The following MPPED2 variants were observed in gnomAD, a reference collection of about 807,000 sequenced individuals.
MPPED2 encodes metallophosphoesterase MPPED2.
Under a neutral mutation model 33.0 loss-of-function variants are expected in MPPED2, and 5 were observed. The ratio of observed to expected loss-of-function variants is 0.15; its 90% CI spans 0.08 to 0.32. The LOEUF is 0.32. MPPED2 is among the 10% of genes least tolerant of loss of function. The pLI is 1.00. For missense variants in MPPED2, 275 were observed against 372.1 expected (o/e 0.74, Z 2.15); for synonymous variants, 136 against 141.9 (o/e 0.96, Z 0.29).
rs1320976865 is a variant in MPPED2, at chr11:30,580,379, C to T, written c.-6G>A. ...GAAGGAATCCCATGTGCCATCCTTC[C>T]TCCCTATAGGCATGAGCAATTCACA... On this transcript the variant is annotated 5_prime_UTR_variant, in exon 2 of 7. Transcript: ENST00000358117. 1.9e-6 allele frequency: 3 copies of T among 1,613,852 alleles called. No homozygotes were observed. The highest frequency in any genetic ancestry group is 2.7e-5 in the African/African-American group (2 of 74,876).
At chr11:30,539,573 A>G (rs1431006535) in intron 2 of MPPED2, among the ~76,000 whole-genome samples, 1 of 152,072 alleles carries the variant, frequency 6.6e-6, no homozygotes, top group Non-Finnish European at 1.5e-5. Flanking sequence ...CCTTCCCTCT[A>G]GACGACATAA....
rs138173079 is a variant in MPPED2 at position 30,543,114 on chromosome 11, C to T, written c.129-6939G>A. Among the ~76,000 whole-genome samples, 509 of 152,238 alleles carry T rather than the reference C, an allele frequency of 3.3e-3. 3 individuals are homozygous for T. Among genetic ancestry groups the T allele is most frequent in the African/African-American group, 0.011 (474 of 41,550 alleles). On this transcript the variant is annotated intron_variant, in intron 2 of 6. Transcript: ENST00000358117. Reference sequence around the variant, plus strand: ...GTTTACCAAAAAAATAAAAATAAGTCTCCTAAATGAAAAAAATGCATATTA... The same window carrying T: ...GTTTACCAAAAAAATAAAAATAAGTTTCCTAAATGAAAAAAATGCATATTA...
intron 4 of MPPED2, among the ~76,000 whole-genome samples, chr11:30,434,968 C>G (rs1444020916): frequency 6.6e-6 from 1 of 152,128 alleles, no homozygotes; most frequent in Non-Finnish European, 1.5e-5. Context: ...GATTTGGTTG[C>G]CTTCAGAATC....
intron 2 of MPPED2, among the ~76,000 whole-genome samples, chr11:30,546,337 C>T (rs7940806): frequency 0.23 from 34,804 of 151,972 alleles, 4,298 homozygotes; most frequent in East Asian, 0.41. Flanking sequence ...ATCAAACACA[C>T]GAGCTTGTTT....
intron 4 of MPPED2, among the ~76,000 whole-genome samples, chr11:30,446,487 A>G (rs568683254): frequency 6.6e-6 from 1 of 152,264 alleles, no homozygotes; most frequent in East Asian, 1.9e-4. Context: ...AGGGAAAAAA[A>G]AAACAATACA....
intron 4 of MPPED2, among the ~76,000 whole-genome samples, chr11:30,461,179 G>T (rs184225534): frequency 6.6e-6 from 1 of 152,096 alleles, no homozygotes; most frequent in Admixed American, 6.5e-5. Context: ...TCGTATAGAC[G>T]GAAGGTAGAA....
chr11:30,504,741 C>T (rs1311664462), intron 3 of MPPED2: 3 of 1,282,064 alleles, frequency 2.3e-6, no homozygotes, highest in Non-Finnish European at 3.1e-6. Flanking sequence ...CTCACACTTG[C>T]TGATGGAGCC....
rs192070950 is a variant in MPPED2, at chr11:30,530,011, T to C, written c.310+5983A>G. The stretch of plus-strand genomic sequence containing the variant: ...ATAATTGAAAGGCCATAATTAAAAG[T>C]TCATGGCAATGATGCTGTGTTAAAA... On this transcript the variant is annotated intron_variant, in intron 3 of 6. Coordinates refer to ENST00000358117, the MANE Select transcript of MPPED2 (RefSeq NM_001584.3). 5.1e-4 allele frequency among the ~76,000 whole-genome samples: 77 copies of C among 152,330 alleles called. No homozygotes were observed. In the East Asian group the frequency reaches 0.014, roughly 27 times the overall value.
chr11:30,400,112 G>C (rs1466103285), intron 6 of MPPED2, among the ~76,000 whole-genome samples: 1 of 152,152 alleles, frequency 6.6e-6, no homozygotes, highest in Non-Finnish European at 1.5e-5. Context: ...ATAGGATCTT[G>C]CTCTGTCATC....
At chr11:30,435,320 T>A (rs547260598) in intron 4 of MPPED2, among the ~76,000 whole-genome samples, 1 of 152,320 alleles carries the variant, frequency 6.6e-6, no homozygotes, top group Admixed American at 6.5e-5. Context: ...TCAAATATCT[T>A]CTTCTTAAAG....
intron 3 of MPPED2, among the ~76,000 whole-genome samples, chr11:30,529,608 G>T (rs1221562740): frequency 1.3e-5 from 2 of 152,098 alleles, no homozygotes; most frequent in Non-Finnish European, 2.9e-5. Context: ...CTGTTCATAG[G>T]TAATTTTGTT....
At chr11:30,467,715 TG>T (rs1256876955) in intron 4 of MPPED2, among the ~76,000 whole-genome samples, 3 of 152,216 alleles carry the variant, frequency 2.0e-5, no homozygotes, top group Non-Finnish European at 4.4e-5. Context: ...ACAAATATAT[TG>T]ATGTGAAATT....
At chr11:30,502,931 T>C (rs1952635476) in intron 3 of MPPED2, among the ~76,000 whole-genome samples, 1 of 152,198 alleles carries the variant, frequency 6.6e-6, no homozygotes, top group Non-Finnish European at 1.5e-5. Context: ...AATGAATTCC[T>C]CTAGAAAATT....
chr11:30,537,376 C>T (rs1248515336), intron 2 of MPPED2, among the ~76,000 whole-genome samples: 1 of 152,098 alleles, frequency 6.6e-6, no homozygotes, highest in Non-Finnish European at 1.5e-5. Flanking sequence ...ATTTCATATC[C>T]CAGCCCCAAC....
chr11:30,470,356 T>A (rs917273178), intron 4 of MPPED2, among the ~76,000 whole-genome samples: 1 of 152,132 alleles, frequency 6.6e-6, no homozygotes, highest in East Asian at 1.9e-4. Context: ...GAATTTTTTT[T>A]AAATGTGTCC....
chr11:30,571,262 GA>G (rs1313385352), intron 2 of MPPED2, among the ~76,000 whole-genome samples: 1 of 149,440 alleles, frequency 6.7e-6, no homozygotes, highest in Non-Finnish European at 1.5e-5. Flanking sequence ...TGGTAAAGAA[GA>G]AAAAAATAAA....
rs1590179586 is a variant in MPPED2, at chr11:30,414,356, C to T, written c.653-15G>A. ...GTCTCGAAAACCTAAGGGCAAAATG[C>T]AATCAATACACTTAATTTTCTTTCT... On this transcript the variant is annotated splice_polypyrimidine_tract_variant and intron_variant, in intron 5 of 6. Transcript: ENST00000358117. The T allele has an allele frequency of 2.0e-6, 3 of 1,475,668 alleles. No individual in the cohort carries two copies. Among genetic ancestry groups the T allele is most frequent in the East Asian group, 4.5e-5 (2 of 44,286 alleles). 91.4% of individuals were successfully genotyped at this position (1,475,668 alleles called of 1,614,324 possible).
intron 1 of MPPED2, chr11:30,584,053 T>G (rs1453866139): frequency 6.6e-6 from 1 of 152,080 alleles, no homozygotes; most frequent in Admixed American, 6.5e-5. Flanking sequence ...CCGCCAGGGT[T>G]TTTTTGGGGG....
chr11:30,534,310 A>G (rs964409182), intron 3 of MPPED2, among the ~76,000 whole-genome samples: 8 of 152,220 alleles, frequency 5.3e-5, no homozygotes, highest in Non-Finnish European at 8.8e-5. Context: ...AGATTTACCA[A>G]CAATAATTTT....
Sources: allele counts gnomAD v4.1 joint callset (sites outside exome capture counted in the v4.1 genomes callset), GRCh38; gene constraint gnomAD v4.1.1; transcripts MANE v1.5; gene names NCBI Gene and HGNC (gene_info 2026-07-23, HGNC 2026-07-21).